FAM135A: variants seen among roughly 807,000 people sequenced by gnomAD.
The protein encoded by FAM135A is family with sequence similarity 135 member A, also known as protein FAM135A.
FAM135A carries 79 observed loss-of-function variants against 146.8 expected under a neutral mutation model. The ratio of observed to expected loss-of-function variants is 0.54; its 90% CI spans 0.45 to 0.65. FAM135A has a LOEUF of 0.65. Among genes scored for constraint, FAM135A ranks in the 30% least tolerant of loss-of-function variants. The pLI is 0.00. For missense variants in FAM135A, 1,623 were observed against 1,758.2 expected, an observed-to-expected ratio of 0.92 and a Z score of 1.38; for synonymous variants, 562 against 603.6, an observed-to-expected ratio of 0.93 and a Z score of 1.01.
chr6:70,465,317 G>A (rs1780233858), intron 5 of FAM135A, among the ~76,000 whole-genome samples: 1 of 152,116 alleles, frequency 6.6e-6, no homozygotes. Flanking sequence ...TATAAATAAT[G>A]CTTCAATGAA....
chr6:70,430,346 AC>A lies in FAM135A; in HGVS notation c.77+1928del, dbSNP rs1346255316. Among the ~76,000 whole-genome samples, 21 of 151,270 alleles carry A rather than the reference AC, an allele frequency of 1.4e-4. 1 individual carries two copies. In the East Asian group the frequency reaches 4.1e-3, roughly 30 times the overall value. On this transcript the variant is annotated intron_variant, in intron 4 of 21. Transcript: ENST00000418814. ...AGTGAGACTCTATCTAAAAAAAAAA[AC>A]AAAAAAAGAAAGAGAGCAGAAGATG...
At chr6:70,467,540 C>T (rs897552461) in intron 5 of FAM135A, among the ~76,000 whole-genome samples, 2 of 152,040 alleles carry the variant, frequency 1.3e-5, no homozygotes, top group African/African-American at 2.4e-5. Context: ...TAAGGTGGAT[C>T]ATCTTTACTG....
chr6:70,444,131 GC>G (rs1775174612), intron 4 of FAM135A, among the ~76,000 whole-genome samples: 2 of 152,146 alleles, frequency 1.3e-5, no homozygotes, highest in African/African-American at 4.8e-5. Context: ...TGGGCTGGGT[GC>G]GGTGGCTCAC....
intron 4 of FAM135A, among the ~76,000 whole-genome samples, chr6:70,430,477 A>G (rs1771321871): frequency 6.6e-6 from 1 of 152,164 alleles, no homozygotes; most frequent in Admixed American, 6.5e-5. Context: ...TGGCCAGTAC[A>G]ATTCACTTAA....
In FAM135A at chr6:70,448,601, G is replaced by A. The variant is rs567488846; in HGVS notation, c.78-3891G>A. The stretch of plus-strand genomic sequence containing the variant: ...CAGTGGTGCTAGAGGAATTAAAGGC[G>A]CACACACAGAAATATAGAGGTGTGG... On this transcript the variant is annotated intron_variant, in intron 4 of 21. Coordinates refer to ENST00000418814, the MANE Select transcript of FAM135A (RefSeq NM_001162529.3). 4.6e-5 allele frequency among the ~76,000 whole-genome samples: 7 copies of A among 152,236 alleles called. No homozygotes were observed. In the South Asian group the frequency reaches 8.3e-4, roughly 18 times the overall value.
intron 21 of FAM135A, chr6:70,557,261 T>C (rs1285563678): frequency 3.7e-6 from 1 of 273,234 alleles, no homozygotes; most frequent in Admixed American, 5.1e-5. Context: ...GTTCTTTTGC[T>C]ATTTGTGAAT....
chr6:70,551,347 C>G (rs531095083), intron 20 of FAM135A, among the ~76,000 whole-genome samples: 2 of 152,124 alleles, frequency 1.3e-5, no homozygotes, highest in African/African-American at 4.8e-5. Context: ...TGGTGGCTCA[C>G]GCCTGTAATT....
intron 4 of FAM135A, among the ~76,000 whole-genome samples, chr6:70,442,321 A>T (rs1774743837): frequency 6.7e-6 from 1 of 148,886 alleles, no homozygotes; most frequent in African/African-American, 2.5e-5. Context: ...CACTTGAAGT[A>T]TTTCTCTGTG....
In FAM135A at chr6:70,475,501, A is replaced by G. The variant is rs1160359801; in HGVS notation, c.249A>G (p.Leu83=). 1.0e-5 allele frequency: 16 copies of G among 1,605,634 alleles called. No homozygotes were observed. The East Asian group carries it at 3.6e-4, about 36-fold the overall frequency. The stretch of plus-strand genomic sequence containing the variant: ...TGTACAAAAATGAAGAGGTTGTTTT[A>G]AATGATGTTATGATCTTCAAAGTAA... ...QILYKNEEVV[L]NDVMIFKVKM... Residue 83 remains leucine, a synonymous_variant, in exon 6 of 22, where the codon TTA becomes TTG. Transcript: ENST00000418814.
rs1561970048 is a variant in FAM135A, at chr6:70,524,776, C to T, written c.1692C>T (p.Tyr564=). The T allele has an allele frequency of 3.9e-6, 6 of 1,551,272 alleles. No homozygotes were observed. The highest frequency in any genetic ancestry group is 2.4e-5 in the East Asian group (1 of 40,918). ...ICGYNFDPKT[Y]MRQTSQKEAS... ...GATATAATTTTGACCCAAAGACCTA[C>T]ATGAGACAGACAAGTCAAAAGGAAG... Residue 564 remains tyrosine (Y), a synonymous_variant, in exon 15 of 22, where the codon TAC becomes TAT. Transcript: ENST00000418814.
At position 70,538,232 on chromosome 6, in the gene FAM135A, CTT is replaced by C. The variant is rs1457327067; in HGVS notation, c.4118-58_4118-57del. The stretch of plus-strand genomic sequence containing the variant: ...TGAAATATATATTAAAATTAATAAT[CTT>C]GGCATATGTTTTTATATATTTCATT... On this transcript the variant is annotated intron_variant, in intron 19 of 21. Transcript: ENST00000418814. 4 of 997,520 alleles carry C rather than the reference CTT, an allele frequency of 4.0e-6. No individual in the cohort carries two copies. The East Asian group carries it at 1.3e-4, about 32-fold the overall frequency. The allele number at this position is 997,520 out of a possible 1,614,324, so 61.8% of individuals were successfully genotyped here.
chr6:70,423,463 C>T (rs543969953), intron 2 of FAM135A, among the ~76,000 whole-genome samples: 5 of 152,118 alleles, frequency 3.3e-5, no homozygotes, highest in African/African-American at 1.2e-4. Flanking sequence ...CAGAATTTGT[C>T]CATTTTTTTG....
intron 18 of FAM135A, among the ~76,000 whole-genome samples, chr6:70,534,422 C>T (rs929011048): frequency 1.1e-4 from 16 of 148,244 alleles, no homozygotes; most frequent in Non-Finnish European, 1.6e-4. Context: ...TGGGCTCAGG[C>T]GATCCTCCCA....
intron 5 of FAM135A, among the ~76,000 whole-genome samples, chr6:70,461,818 G>A (rs1411826504): frequency 2.0e-5 from 3 of 152,144 alleles, no homozygotes; most frequent in Non-Finnish European, 2.9e-5. Flanking sequence ...CCACTCACTA[G>A]CTATTTGGTC....
In FAM135A at chr6:70,528,275, T is replaced by C; in HGVS notation, c.3615-17T>C. On this transcript the variant is annotated splice_polypyrimidine_tract_variant and intron_variant, in intron 15 of 21. Transcript: ENST00000418814. Reference sequence around the variant, plus strand: ...ATATGATCCTTAGTAAAGAGTATCTTTTGTATTTTGCTTCAGCTTCCTTCA... The same window carrying C: ...ATATGATCCTTAGTAAAGAGTATCTCTTGTATTTTGCTTCAGCTTCCTTCA... 6.3e-7 allele frequency: 1 copy of C among 1,597,582 alleles called. No individual in the cohort carries two copies. The highest frequency in any genetic ancestry group is 1.8e-5 in the Admixed American group (1 of 56,906).
intron 4 of FAM135A, among the ~76,000 whole-genome samples, chr6:70,442,737 C>A (rs1240541386): frequency 6.7e-6 from 1 of 149,990 alleles, no homozygotes. Context: ...CATCATATCC[C>A]AAAAAAAAAG....
Position 70,475,545 on chromosome 6 carries a change from G to T in FAM135A, c.293G>T (p.Arg98Ile). 3 of 1,590,352 alleles carry T rather than the reference G, an allele frequency of 1.9e-6. No individual in the cohort carries two copies. The highest frequency in any genetic ancestry group is 2.3e-5 in the South Asian group (2 of 86,196). ...AAAGTAAAAATGCTATTGGATGAAA[G>T]AAAGGTAAACATCTCTTCATATTTA... ...IFKVKMLLDE[R>I]KIEETLEEMN... The change falls in exon 6 of 22, where the codon AGA (arginine) becomes ATA (isoleucine). Residue 98 changes from arginine to isoleucine, a missense_variant. Physicochemically the swap from Arg to Ile is moderately conservative, Grantham distance 97 (BLOSUM62 -3). This residue lies in a region of FAM135A where 171 missense variants were observed against 164.9 expected (regional missense o/e 1.04). Transcript: ENST00000418814.
At position 70,475,746 on chromosome 6, in the gene FAM135A, T is replaced by C; in HGVS notation, c.368+13T>C. ...ATGGAGATTATTCGTAAGTAGCTAA[T>C]CAATTAAAAAACCTTTAGGCACTTA... On this transcript the variant is annotated intron_variant, in intron 7 of 21. Coordinates refer to ENST00000418814, the MANE Select transcript of FAM135A (RefSeq NM_001162529.3). 1 of 1,588,708 alleles carries C rather than the reference T, an allele frequency of 6.3e-7. No individual in the cohort carries two copies. Among genetic ancestry groups the C allele is most frequent in the Non-Finnish European group, 8.6e-7 (1 of 1,164,966 alleles).
chr6:70,427,066 A>G (rs1442587598), intron 3 of FAM135A, among the ~76,000 whole-genome samples: 2 of 152,168 alleles, frequency 1.3e-5, no homozygotes, highest in Non-Finnish European at 2.9e-5. Context: ...TTCTTACTCT[A>G]AATTGCTTTC....
Sources: gnomAD v4.1 joint callset for allele counts (sites outside exome capture counted in the v4.1 genomes callset) on GRCh38, gnomAD v4.1.1 for gene constraint, gnomAD v4.1.1 regional missense constraint, MANE v1.5 for transcripts, NCBI Gene and HGNC (gene_info 2026-07-23, HGNC 2026-07-21) for gene names.